Variants in PIBF1 observed in about 807,000 individuals in gnomAD.
PIBF1 encodes the protein progesterone-induced-blocking factor 1.
In PIBF1, 90 loss-of-function variants were observed where a neutral mutation model predicts 112.5. The ratio of observed to expected loss-of-function variants is 0.80; its 90% CI spans 0.67 to 0.95. The LOEUF is 0.95. PIBF1 is among the 40% of genes least tolerant of loss of function. The pLI, the probability that PIBF1 is intolerant of heterozygous loss-of-function variation, is 0.00. For missense variants in PIBF1, 915 were observed against 852.3 expected (o/e 1.07, Z -0.92); for synonymous variants, 301 against 288.6 (o/e 1.04, Z -0.44).
chr13:72,935,922 C>T (rs2041858601), intron 14 of PIBF1, among the ~76,000 whole-genome samples: 1 of 152,038 alleles, frequency 6.6e-6, no homozygotes, highest in South Asian at 2.1e-4. Flanking sequence ...TTTATATATC[C>T]TAAATACAAG....
chr13:72,784,953 A>G (rs967110397), intron 2 of PIBF1, among the ~76,000 whole-genome samples: 1 of 151,314 alleles, frequency 6.6e-6, no homozygotes, highest in Non-Finnish European at 1.5e-5. Context: ...GCTCACTGCA[A>G]CCTCCACCTC....
At position 72,946,057 on chromosome 13, in the gene PIBF1, G is replaced by A. The variant is rs74947303; in HGVS notation, c.1833+14790G>A. Among the ~76,000 whole-genome samples the A allele has an allele frequency of 6.9e-3, 1,047 of 152,118 alleles. 14 individuals are homozygous for A. Among genetic ancestry groups the A allele is most frequent in the African/African-American group, 0.024 (1,010 of 41,496 alleles). On this transcript the variant is annotated intron_variant, in intron 14 of 17. Transcript: ENST00000326291. ...AACTGAGTGAGCTTCCATTAGGTTG[G>A]CAAGTGTATTAGTCCGTTCTCACAC...
intron 9 of PIBF1, among the ~76,000 whole-genome samples, chr13:72,852,929 G>A (rs890924912): frequency 2.0e-5 from 3 of 152,060 alleles, no homozygotes; most frequent in Non-Finnish European, 2.9e-5. Context: ...AGGTATATGA[G>A]CTCTCTAAAC....
At chr13:72,889,729 C>CATT (rs2039986974) in intron 10 of PIBF1, among the ~76,000 whole-genome samples, 1 of 152,150 alleles carries the variant, frequency 6.6e-6, no homozygotes, top group African/African-American at 2.4e-5. Flanking sequence ...AGCTGCTGCA[C>CATT]TATCTTACTT....
At chr13:72,921,479 T>C (rs2041288838) in intron 13 of PIBF1, among the ~76,000 whole-genome samples, 1 of 152,176 alleles carries the variant, frequency 6.6e-6, no homozygotes, top group African/African-American at 2.4e-5. Flanking sequence ...CTCGGAAATG[T>C]ATACAGATAT....
intron 10 of PIBF1, among the ~76,000 whole-genome samples, chr13:72,870,052 A>G (rs2039099531): frequency 6.6e-6 from 1 of 152,168 alleles, no homozygotes; most frequent in South Asian, 2.1e-4. Context: ...CCATCTGATA[A>G]ATGTTATAAA....
intron 16 of PIBF1, among the ~76,000 whole-genome samples, chr13:72,987,448 A>T (rs566022559): frequency 1.6e-4 from 25 of 151,978 alleles, no homozygotes; most frequent in African/African-American, 5.5e-4. Flanking sequence ...TCTTAATTGT[A>T]TAGAGAGACT....
At chr13:72,835,389 G>C (rs780606210) in intron 9 of PIBF1, 21 bp downstream of exon 9, 4 of 1,484,192 alleles carry the variant, frequency 2.7e-6, no homozygotes, top group Admixed American at 4.5e-5. Context: ...AAAAATGCTT[G>C]TATGGTATTT....
At chr13:72,816,165 A>G (rs1253194693) in intron 5 of PIBF1, among the ~76,000 whole-genome samples, 1 of 152,228 alleles carries the variant, frequency 6.6e-6, no homozygotes, top group African/African-American at 2.4e-5. Flanking sequence ...GTGTTATACT[A>G]CAATAATAAC....
intron 15 of PIBF1, among the ~76,000 whole-genome samples, chr13:72,967,420 G>C (rs919402854): frequency 3.3e-5 from 5 of 152,162 alleles, no homozygotes; most frequent in African/African-American, 1.2e-4. Context: ...ATAGCTAGCT[G>C]TAGGAGAAAA....
intron 9 of PIBF1, among the ~76,000 whole-genome samples, chr13:72,851,134 G>A (rs897970573): frequency 1.3e-5 from 2 of 152,190 alleles, no homozygotes; most frequent in Admixed American, 1.3e-4. Context: ...GTCCAGGGCT[G>A]CATGCTCCAC....
At chr13:72,863,127 A>G (rs1286812568) in intron 10 of PIBF1, among the ~76,000 whole-genome samples, 1 of 152,142 alleles carries the variant, frequency 6.6e-6, no homozygotes, top group African/African-American at 2.4e-5. Flanking sequence ...GGAACAGACT[A>G]TATATTTTGC....
chr13:72,915,609 A>G (rs572586001), intron 12 of PIBF1, among the ~76,000 whole-genome samples: 3 of 152,264 alleles, frequency 2.0e-5, no homozygotes, highest in Admixed American at 1.3e-4. Flanking sequence ...TACATATCTA[A>G]ATGTTAGCTC....
chr13:72,867,604 A>G (rs2038981453), intron 10 of PIBF1, among the ~76,000 whole-genome samples: 1 of 152,198 alleles, frequency 6.6e-6, no homozygotes, highest in Non-Finnish European at 1.5e-5. Context: ...GAGCTCTCTA[A>G]AGAAAGAGTC....
chr13:72,986,535 G>C (rs1166235265), intron 16 of PIBF1, among the ~76,000 whole-genome samples: 1 of 152,130 alleles, frequency 6.6e-6, no homozygotes, highest in Non-Finnish European at 1.5e-5. Flanking sequence ...GATTGTGAAA[G>C]AATGTTTCAG....
intron 13 of PIBF1, among the ~76,000 whole-genome samples, chr13:72,927,996 C>CATATATATACAT (rs2041565892): frequency 1.3e-5 from 1 of 76,120 alleles, no homozygotes; most frequent in African/African-American, 4.3e-5. Context: ...TATACACACA[C>CATATATATACAT]ATATATATAC....
At chr13:72,909,553 G>A (rs940036227) in intron 12 of PIBF1, among the ~76,000 whole-genome samples, 1 of 150,534 alleles carries the variant, frequency 6.6e-6, no homozygotes, top group African/African-American at 2.4e-5. Flanking sequence ...GGATTGCAAC[G>A]GTGTGATCTC....
intron 9 of PIBF1, among the ~76,000 whole-genome samples, chr13:72,850,996 A>C (rs959253300): frequency 6.6e-6 from 1 of 152,226 alleles, no homozygotes; most frequent in East Asian, 1.9e-4. Context: ...TGGCTTATCA[A>C]CTATTTTACT....
At chr13:72,788,609 G>A (rs1446585398) in intron 2 of PIBF1, among the ~76,000 whole-genome samples, 1 of 152,174 alleles carries the variant, frequency 6.6e-6, no homozygotes, top group Non-Finnish European at 1.5e-5. Flanking sequence ...GTGGAAAAGG[G>A]GGCATGTGCC....
Sources: gnomAD v4.1 joint callset for allele counts (sites outside exome capture counted in the v4.1 genomes callset) on GRCh38, gnomAD v4.1.1 for gene constraint, MANE v1.5 for transcripts, NCBI Gene and HGNC (gene_info 2026-07-23, HGNC 2026-07-21) for gene names.